The following GUCY1A2 variants were observed in gnomAD, a reference collection of about 807,000 sequenced individuals.
GUCY1A2 encodes guanylate cyclase soluble subunit alpha-2.
A neutral mutation model predicts 63.5 loss-of-function variants in GUCY1A2; 27 were observed. The observed-to-expected ratio is 0.43, with a 90% confidence interval of 0.31 to 0.59. The LOEUF (loss-of-function observed/expected upper bound fraction) is 0.59, where lower values mean the gene tolerates loss of function less well. GUCY1A2 is among the 20% of genes least tolerant of loss of function. The pLI is 0.11. For synonymous variants in GUCY1A2, 364 were observed against 343.5 expected, an observed-to-expected ratio of 1.06 and a Z score of -0.66; for missense variants, 768 against 913.3, an observed-to-expected ratio of 0.84 and a Z score of 2.05.
chr11:106,964,849 G>A (rs562861143), intron 3 of GUCY1A2, among the ~76,000 whole-genome samples: 4 of 152,090 alleles, frequency 2.6e-5, no homozygotes, highest in African/African-American at 7.2e-5. Context: ...GCGTGGTGGC[G>A]GGCACCTGTA....
chr11:106,862,499 C>A (rs887163947), intron 4 of GUCY1A2, among the ~76,000 whole-genome samples: 3 of 151,538 alleles, frequency 2.0e-5, no homozygotes, highest in African/African-American at 7.3e-5. Context: ...AAACAACAAA[C>A]AAAAAAACCA....
At chr11:106,854,451 T>G (rs1859399201) in intron 4 of GUCY1A2, among the ~76,000 whole-genome samples, 1 of 152,172 alleles carries the variant, frequency 6.6e-6, no homozygotes, top group Non-Finnish European at 1.5e-5. Flanking sequence ...ATGAACATGG[T>G]AGGCCTGTCC....
chr11:106,914,876 A>G (rs1860348315), intron 4 of GUCY1A2, among the ~76,000 whole-genome samples: 1 of 152,096 alleles, frequency 6.6e-6, no homozygotes. Flanking sequence ...TCTTCCAACA[A>G]GAAAAAAAGA....
intron 6 of GUCY1A2, among the ~76,000 whole-genome samples, chr11:106,758,389 C>A (rs1005071119): frequency 6.6e-6 from 1 of 152,190 alleles, no homozygotes; most frequent in African/African-American, 2.4e-5. Context: ...TCATTCCTCC[C>A]AGTATAGACT....
chr11:106,844,141 T>C (rs567069746), intron 4 of GUCY1A2, among the ~76,000 whole-genome samples: 78 of 151,878 alleles, frequency 5.1e-4, no homozygotes, highest in Non-Finnish European at 1.1e-3. Context: ...TGGCATTACT[T>C]TTCCTTTGTA....
At chr11:106,734,081 AAAG>A (rs1863549355) in intron 6 of GUCY1A2, among the ~76,000 whole-genome samples, 1 of 152,142 alleles carries the variant, frequency 6.6e-6, no homozygotes, top group African/African-American at 2.4e-5. Context: ...TAAAACAGGC[AAAG>A]AAGAAAGAAT....
chr11:107,001,837 G>A (rs932907740), intron 1 of GUCY1A2, among the ~76,000 whole-genome samples: 1 of 152,028 alleles, frequency 6.6e-6, no homozygotes. Flanking sequence ...TGGCCAACAT[G>A]GCAAAACCCC....
chr11:106,976,446 T>G (rs1329871337), intron 3 of GUCY1A2, among the ~76,000 whole-genome samples: 2 of 152,106 alleles, frequency 1.3e-5, no homozygotes, highest in African/African-American at 4.8e-5. Flanking sequence ...GATAAAAATC[T>G]AAACAAGCCA....
chr11:106,706,086 G>C (rs1226911663), intron 7 of GUCY1A2, among the ~76,000 whole-genome samples: 2 of 151,960 alleles, frequency 1.3e-5, no homozygotes, highest in Admixed American at 1.3e-4. Context: ...TCAATTATTT[G>C]AATATTTAAG....
At chr11:106,719,020 T>C (rs1863267365) in intron 6 of GUCY1A2, among the ~76,000 whole-genome samples, 2 of 152,170 alleles carry the variant, frequency 1.3e-5, no homozygotes, top group Non-Finnish European at 2.9e-5. Flanking sequence ...ATCACATTTA[T>C]AGCATTAATC....
rs1862319693 is a variant in GUCY1A2, at chr11:106,674,901, T to C, written c.*12648A>G. ...TAACTGTGTGTTTTTATTAAGTGAT[T>C]TTGGAAACCTATTTATTATTATATA... On this transcript the variant is annotated 3_prime_UTR_variant, in exon 8 of 8. Coordinates refer to ENST00000526355, the MANE Select transcript of GUCY1A2 (RefSeq NM_000855.3). The C allele has an allele frequency of 4.6e-6, 1 of 217,332 alleles. No homozygotes were observed. The highest frequency in any genetic ancestry group is 1.8e-4 in the South Asian group (1 of 5,416). 13.5% of individuals were successfully genotyped at this position (217,332 alleles called of 1,614,324 possible). A position where few individuals can be genotyped will look rare whatever the true frequency, so the allele number is the denominator to read the frequency against.
rs577492339 is a variant in GUCY1A2 at position 106,919,487 on chromosome 11, C to T, written c.1206+19973G>A. On this transcript the variant is annotated intron_variant, in intron 4 of 7. Transcript: ENST00000526355. ...ATATATCAAATCATCACATCATACA[C>T]CTTAAATTTATATAATTTTATTCAT... Among the ~76,000 whole-genome samples the T allele has an allele frequency of 2.0e-5, 3 of 151,996 alleles. No individual in the cohort carries two copies. The South Asian group carries it at 6.2e-4, about 32-fold the overall frequency.
intron 6 of GUCY1A2, among the ~76,000 whole-genome samples, chr11:106,756,820 G>A (rs1370095077): frequency 6.6e-6 from 1 of 152,090 alleles, no homozygotes; most frequent in Non-Finnish European, 1.5e-5. Flanking sequence ...TGACGATTAT[G>A]TTTCTTGGGG....
At chr11:106,825,441 A>T (rs1858956050) in intron 4 of GUCY1A2, among the ~76,000 whole-genome samples, 1 of 150,946 alleles carries the variant, frequency 6.6e-6, no homozygotes, top group Admixed American at 6.6e-5. Context: ...CACTGATGAC[A>T]GCTGATGAGC....
At chr11:106,858,389 A>AT (rs1859465322) in intron 4 of GUCY1A2, among the ~76,000 whole-genome samples, 1 of 152,156 alleles carries the variant, frequency 6.6e-6, no homozygotes, top group Non-Finnish European at 1.5e-5. Context: ...GACTTAGGGC[A>AT]CTATAATGTC....
intron 5 of GUCY1A2, among the ~76,000 whole-genome samples, chr11:106,796,369 T>C (rs1027487544): frequency 8.5e-5 from 13 of 152,210 alleles, no homozygotes; most frequent in Non-Finnish European, 1.9e-4. Context: ...CTGGTTATTT[T>C]GCTCGTTAGT....
At chr11:106,758,691 C>T (rs967312106) in intron 6 of GUCY1A2, among the ~76,000 whole-genome samples, 5 of 152,304 alleles carry the variant, frequency 3.3e-5, no homozygotes, top group East Asian at 1.9e-4. Context: ...AAGGTACTTA[C>T]TGATTAGGAT....
intron 7 of GUCY1A2, among the ~76,000 whole-genome samples, chr11:106,704,596 C>T (rs1195660082): frequency 1.3e-5 from 2 of 152,154 alleles, no homozygotes; most frequent in Non-Finnish European, 2.9e-5. Flanking sequence ...CGTTCTAAAA[C>T]ATCTGGAAGT....
chr11:106,975,874 T>G (rs890693828), intron 3 of GUCY1A2, among the ~76,000 whole-genome samples: 2 of 152,086 alleles, frequency 1.3e-5, no homozygotes, highest in African/African-American at 4.8e-5. Flanking sequence ...ACTTTCTCCC[T>G]CTCCTCAGGT....
Sources: allele counts gnomAD v4.1 joint callset (sites outside exome capture counted in the v4.1 genomes callset), GRCh38; gene constraint gnomAD v4.1.1; transcripts MANE v1.5; gene names NCBI Gene and HGNC (gene_info 2026-07-23, HGNC 2026-07-21).